Variants in TACC2 observed in about 807,000 individuals in gnomAD.
TACC2 encodes the protein transforming acidic coiled-coil containing protein 2.
Under a neutral mutation model 227.3 loss-of-function variants are expected in TACC2, and 137 were observed. That is an observed-to-expected ratio of 0.60 (90% confidence interval 0.52 to 0.69). The LOEUF is 0.69. Ranked by LOEUF, TACC2 falls within the 30% of genes least tolerant of loss-of-function variation. The probability of loss-of-function intolerance (pLI) is 0.00; values close to 1 mark genes in which losing one functional copy is unlikely to be tolerated. For synonymous variants in TACC2, 1,523 were observed against 1,487.5 expected (o/e 1.02, Z -0.55); for missense variants, 3,470 against 3,694.4 (o/e 0.94, Z 1.57).
chr10:122,199,249 G>C (rs927686485), intron 8 of TACC2, among the ~76,000 whole-genome samples: 1 of 152,262 alleles, frequency 6.6e-6, no homozygotes, highest in Non-Finnish European at 1.5e-5. Context: ...ACAGCCACCA[G>C]ATCCAAGCAC....
At chr10:122,049,050 G>A (rs2136173242) in intron 2 of TACC2, among the ~76,000 whole-genome samples, 1 of 152,358 alleles carries the variant, frequency 6.6e-6, no homozygotes, top group Middle Eastern at 3.4e-3. Context: ...AAAGGTGTTT[G>A]ACCAGGGAGT....
intron 7 of TACC2, chr10:122,192,584 T>C (rs535567043): frequency 3.6e-4 from 150 of 414,568 alleles, no homozygotes; most frequent in African/African-American, 2.7e-3. Context: ...GCAGCTAACT[T>C]TTTTGGTGAC....
intron 7 of TACC2, among the ~76,000 whole-genome samples, chr10:122,176,109 CTCTCTCTCTATATATATATA>C (rs1469614764): frequency 1.2e-4 from 8 of 68,072 alleles, no homozygotes; most frequent in African/African-American, 6.5e-4. Flanking sequence ...CTCTCTCTCT[CTCTCTCTCTATATATATATA>C]TATATATATA....
rs1408400499 is a variant in TACC2 at position 122,180,277 on chromosome 10, C to T, written c.5835-14763C>T. Among the ~76,000 whole-genome samples the T allele has an allele frequency of 2.6e-5, 4 of 152,252 alleles. No individual in the cohort carries two copies. The South Asian group carries it at 6.2e-4, about 24-fold the overall frequency. ...CTTGAACCTGCCACCCTCCTTCCCC[C>T]TCCCACCTCAGGGCTCTTCATCTTT... On this transcript the variant is annotated intron_variant, in intron 7 of 22. Transcript: ENST00000369005. The surrounding 1 kb of genome is among the most constrained non-coding windows in gnomAD (Gnocchi z 4.5).
intron 1 of TACC2, among the ~76,000 whole-genome samples, chr10:121,993,974 C>G (rs1202434919): frequency 6.6e-6 from 1 of 152,128 alleles, no homozygotes; most frequent in Non-Finnish European, 1.5e-5. Flanking sequence ...GTATATCATA[C>G]ACACTGTTCT....
intron 2 of TACC2, among the ~76,000 whole-genome samples, chr10:122,030,124 T>C (rs765595079): frequency 6.6e-6 from 1 of 150,592 alleles, no homozygotes; most frequent in Admixed American, 6.6e-5. Context: ...AGCGCTGAGG[T>C]TGAGAAACCC....
intron 7 of TACC2, among the ~76,000 whole-genome samples, chr10:122,165,721 A>G (rs34218054): frequency 0.11 from 16,541 of 152,192 alleles, 1,009 homozygotes; most frequent in African/African-American, 0.18. Flanking sequence ...TGCCTCTGAA[A>G]TGTCTCTAAA....
chr10:122,242,723 A>G (rs991646594), intron 19 of TACC2, among the ~76,000 whole-genome samples: 5 of 152,118 alleles, frequency 3.3e-5, no homozygotes, highest in African/African-American at 1.2e-4. Flanking sequence ...AATGGTCACT[A>G]TTCAGAAATC....
rs533937434 is a variant in TACC2 at position 122,098,682 on chromosome 10, TTGC to T, written c.5573+10093_5573+10095del. ...GAGGTACCAGAGGTTACTGTTTTTA[TTGC>T]TACTATCATTAATATTACCATCATC... On this transcript the variant is annotated intron_variant, in intron 5 of 22. Transcript: ENST00000369005. 5.0e-3 allele frequency among the ~76,000 whole-genome samples: 764 copies of T among 152,350 alleles called. 2 individuals carry two copies. The highest frequency in any genetic ancestry group is 8.3e-3 in the Non-Finnish European group (563 of 68,030).
intron 22 of TACC2, among the ~76,000 whole-genome samples, chr10:122,249,989 C>T (rs1027127530): frequency 2.0e-5 from 3 of 152,244 alleles, no homozygotes; most frequent in Admixed American, 2.0e-4. Context: ...CTGCATCCGG[C>T]ATGCTTACTG....
At chr10:122,111,260 C>T (rs976035941) in intron 5 of TACC2, among the ~76,000 whole-genome samples, 1 of 152,180 alleles carries the variant, frequency 6.6e-6, no homozygotes, top group Admixed American at 6.5e-5. Flanking sequence ...GCCATCTTGC[C>T]GGGGCCTTCC....
At chr10:122,014,448 C>G (rs901938476) in intron 1 of TACC2, among the ~76,000 whole-genome samples, 3 of 152,088 alleles carry the variant, frequency 2.0e-5, no homozygotes, top group Admixed American at 6.6e-5. Context: ...TGACCTCAGG[C>G]GATCCACCTG....
At position 122,049,871 on chromosome 10, in the gene TACC2, A is replaced by T. The variant is rs115896705; in HGVS notation, c.34-567A>T. On this transcript the variant is annotated intron_variant, in intron 2 of 22. Transcript: ENST00000369005. ...AAAAACAACAACAACAAATCAACTA[A>T]CCGGTGGACAAGCTTATCCTGGAGT... 8.9e-3 allele frequency among the ~76,000 whole-genome samples: 1,361 copies of T among 152,172 alleles called. 24 individuals are homozygous for T. Among genetic ancestry groups the T allele is most frequent in the African/African-American group, 0.032 (1,308 of 41,488 alleles).
At chr10:122,250,390 C>T (rs928591988) in intron 22 of TACC2, among the ~76,000 whole-genome samples, 4 of 152,226 alleles carry the variant, frequency 2.6e-5, no homozygotes, top group South Asian at 2.1e-4. Flanking sequence ...TAGTCATCCA[C>T]GAGCCCAGCA....
intron 11 of TACC2, among the ~76,000 whole-genome samples, chr10:122,220,788 CAG>C (rs2095508352): frequency 1.3e-5 from 2 of 152,224 alleles, no homozygotes; most frequent in South Asian, 2.1e-4. Flanking sequence ...TTGAGCTGTG[CAG>C]AGTCTTTTAC....
chr10:122,244,595 G>A (rs1208479140), intron 19 of TACC2, among the ~76,000 whole-genome samples: 1 of 152,180 alleles, frequency 6.6e-6, no homozygotes, highest in African/African-American at 2.4e-5. Context: ...GTTCAGGTCA[G>A]GGTCTCTCCA....
intron 3 of TACC2, among the ~76,000 whole-genome samples, chr10:122,077,867 C>T (rs761671645): frequency 6.6e-6 from 1 of 152,050 alleles, no homozygotes. Flanking sequence ...ACCCTTCTAC[C>T]AGGCTGTTGT....
At chr10:122,200,281 G>A (rs746053750) in intron 8 of TACC2, among the ~76,000 whole-genome samples, 10 of 152,128 alleles carry the variant, frequency 6.6e-5, no homozygotes, top group Non-Finnish European at 1.3e-4. Flanking sequence ...TCCAAGCCCC[G>A]TTCATCCCAG....
chr10:122,212,238 A>G (rs796399549), intron 9 of TACC2, among the ~76,000 whole-genome samples: 9 of 152,362 alleles, frequency 5.9e-5, no homozygotes, highest in African/African-American at 1.9e-4. Flanking sequence ...CTGCACTCCA[A>G]CCAGCCCGTA....
Sources: allele counts gnomAD v4.1 joint callset (sites outside exome capture counted in the v4.1 genomes callset), GRCh38; gene constraint gnomAD v4.1.1; non-coding constraint Gnocchi (gnomAD v3.1); transcripts MANE v1.5; gene names NCBI Gene and HGNC (gene_info 2026-07-23, HGNC 2026-07-21).